The following PAPSS2 variants were observed in gnomAD, a reference collection of about 807,000 sequenced individuals.
PAPSS2 encodes the protein bifunctional 3'-phosphoadenosine 5'-phosphosulfate synthase 2.
A neutral mutation model predicts 66.5 loss-of-function variants in PAPSS2; 61 were observed. The ratio of observed to expected loss-of-function variants is 0.92; its 90% CI spans 0.75 to 1.14. PAPSS2 has a LOEUF of 1.14. PAPSS2 is among the 50% of genes most tolerant of loss of function. The pLI, the probability that PAPSS2 is intolerant of heterozygous loss-of-function variation, is 0.00. For missense variants in PAPSS2, 708 were observed against 789.6 expected (o/e 0.90, Z 1.24); for synonymous variants, 289 against 287.5 (o/e 1.01, Z -0.05).
At chr10:87,692,271 C>G (rs1853181056) in intron 1 of PAPSS2, among the ~76,000 whole-genome samples, 1 of 152,032 alleles carries the variant, frequency 6.6e-6, no homozygotes, top group African/African-American at 2.4e-5. Context: ...TTCAGTGGCT[C>G]TGGGGGGAAT....
intron 10 of PAPSS2, among the ~76,000 whole-genome samples, chr10:87,742,617 C>G (rs1217266560): frequency 6.6e-6 from 1 of 152,134 alleles, no homozygotes; most frequent in African/African-American, 2.4e-5. Context: ...GAGTCCACCA[C>G]TAAGTGGAGT....
intron 1 of PAPSS2, among the ~76,000 whole-genome samples, chr10:87,673,476 T>A (rs1314865501): frequency 6.6e-6 from 1 of 152,026 alleles, no homozygotes; most frequent in Non-Finnish European, 1.5e-5. Context: ...TTTCTTCATA[T>A]TCTCTTTATA....
chr10:87,724,281 C>A (rs1292944139), intron 8 of PAPSS2, among the ~76,000 whole-genome samples: 3 of 150,676 alleles, frequency 2.0e-5, no homozygotes, highest in Admixed American at 6.6e-5. Context: ...AAAGTATTCA[C>A]TCAAAAAAAA....
At chr10:87,700,595 C>G (rs1168215556) in intron 1 of PAPSS2, among the ~76,000 whole-genome samples, 3 of 149,346 alleles carry the variant, frequency 2.0e-5, no homozygotes, top group Non-Finnish European at 4.4e-5. Flanking sequence ...GACGTGGAGG[C>G]GGCAGTGAGC....
rs3221014 is a variant in PAPSS2 at position 87,670,576 on chromosome 10, G to GCACACACACA, written c.27+10584_27+10593dup. 2.6e-3 allele frequency among the ~76,000 whole-genome samples: 396 copies of GCACACACACA among 149,728 alleles called. 7 individuals carry two copies. The East Asian group carries it at 0.03, about 11-fold the overall frequency. On this transcript the variant is annotated intron_variant, in intron 1 of 12. Transcript: ENST00000456849. Reference sequence around the variant, plus strand: ...GGAGATGATTGCATAAAAAGATGGAGCACACACACACACACACACACACAC... The same window carrying GCACACACACA: ...GGAGATGATTGCATAAAAAGATGGAGCACACACACACACACACACACACACACACACACAC...
intron 1 of PAPSS2, among the ~76,000 whole-genome samples, chr10:87,671,936 A>G (rs1362554648): frequency 2.0e-5 from 3 of 152,240 alleles, no homozygotes; most frequent in Middle Eastern, 3.4e-3. Context: ...AATTTTATGC[A>G]CGTGGTATTG....
chr10:87,747,530 A>C lies in PAPSS2; in HGVS notation c.*1560A>C, dbSNP rs564601193. ...CTCACTACTGCCTTTAAAAAAAAAA[A>C]CCAGCATATTTATTGAAAACATGAG... On this transcript the variant is annotated 3_prime_UTR_variant, in exon 13 of 13. Transcript: ENST00000456849. 3.3e-5 allele frequency: 5 copies of C among 152,260 alleles called. No homozygotes were observed. The highest frequency in any genetic ancestry group is 2.1e-4 in the South Asian group (1 of 4,800). The allele number at this position is 152,260 out of a possible 1,614,324, so 9.4% of individuals were successfully genotyped here. A position where few individuals can be genotyped will look rare whatever the true frequency, so the allele number is the denominator to read the frequency against.
intron 1 of PAPSS2, among the ~76,000 whole-genome samples, chr10:87,678,613 G>C (rs188105574): frequency 6.6e-6 from 1 of 151,784 alleles, no homozygotes; most frequent in Admixed American, 6.6e-5. Flanking sequence ...CCATTAAAAA[G>C]TGGGCAAAGG....
rs35768490 is a variant in PAPSS2, at chr10:87,673,578, A to ATGTGTGTGTG, written c.27+13586_27+13595dup. On this transcript the variant is annotated intron_variant, in intron 1 of 12. Transcript: ENST00000456849. The stretch of plus-strand genomic sequence containing the variant: ...TGTGTGTTTGTGTGTGTATGTATTC[A>ATGTGTGTGTG]TGTGTGTGTGTGTGTGTGTGTGTGT... Among the ~76,000 whole-genome samples, 405 of 148,180 alleles carry ATGTGTGTGTG rather than the reference A, an allele frequency of 2.7e-3. 2 individuals carry two copies. Among genetic ancestry groups the ATGTGTGTGTG allele is most frequent in the African/African-American group, 9.3e-3 (377 of 40,444 alleles).
intron 1 of PAPSS2, among the ~76,000 whole-genome samples, chr10:87,662,913 A>T (rs1021292074): frequency 6.6e-6 from 1 of 151,008 alleles, no homozygotes; most frequent in African/African-American, 2.4e-5. Context: ...TCACTCTGTC[A>T]CCCAGGCTGG....
At chr10:87,723,536 G>A (rs1853622238) in intron 8 of PAPSS2, among the ~76,000 whole-genome samples, 2 of 152,130 alleles carry the variant, frequency 1.3e-5, no homozygotes, top group South Asian at 2.1e-4. Context: ...CTAATTGCCC[G>A]AGAACGTTGA....
rs150079044 is a variant in PAPSS2, at chr10:87,706,108, ATG to A, written c.28-3056_28-3055del. 4.9e-3 allele frequency among the ~76,000 whole-genome samples: 255 copies of A among 51,996 alleles called. 8 individuals carry two copies. The highest frequency in any genetic ancestry group is 0.014 in the African/African-American group (138 of 9,992). The allele number at this position is 51,996 out of a possible 152,430, so 34.1% of individuals were successfully genotyped here. On this transcript the variant is annotated intron_variant, in intron 1 of 12. Transcript: ENST00000456849. ...GGTATATATATATATATATATATAT[ATG>A]TGTGTGTGTGTGTGTGTGTGTGTGT...
chr10:87,700,809 C>T (rs972501509), intron 1 of PAPSS2, among the ~76,000 whole-genome samples: 10 of 151,524 alleles, frequency 6.6e-5, no homozygotes, highest in Non-Finnish European at 1.2e-4. Flanking sequence ...TTTCAAACTA[C>T]CAAAAGATAT....
At chr10:87,703,150 C>T (rs943269259) in intron 1 of PAPSS2, among the ~76,000 whole-genome samples, 3 of 152,198 alleles carry the variant, frequency 2.0e-5, no homozygotes, top group African/African-American at 7.2e-5. Context: ...GTGTTCATGA[C>T]TCTGTGACAG....
chr10:87,669,803 A>G (rs1457627071), intron 1 of PAPSS2, among the ~76,000 whole-genome samples: 2 of 152,252 alleles, frequency 1.3e-5, no homozygotes, highest in Non-Finnish European at 2.9e-5. Context: ...GTCTTTAAAG[A>G]GTTACCCAAA....
intron 2 of PAPSS2, among the ~76,000 whole-genome samples, chr10:87,711,742 T>TC (rs947722221): frequency 3.3e-4 from 50 of 151,896 alleles, no homozygotes; most frequent in Non-Finnish European, 3.5e-4. Context: ...CAGATCACCT[T>TC]CCCCCCCACC....
intron 1 of PAPSS2, among the ~76,000 whole-genome samples, chr10:87,675,086 GC>G (rs1297793890): frequency 2.6e-5 from 4 of 152,182 alleles, no homozygotes; most frequent in Non-Finnish European, 2.9e-5. Context: ...AAAATAGCAG[GC>G]CCTAAGAGGG....
At chr10:87,726,653 G>A (rs1355938302) in intron 8 of PAPSS2, among the ~76,000 whole-genome samples, 1 of 152,010 alleles carries the variant, frequency 6.6e-6, no homozygotes, top group African/African-American at 2.4e-5. Context: ...AGAAAAAGGT[G>A]AATGAGGTAT....
chr10:87,727,048 A>G lies in PAPSS2; in HGVS notation c.881-236A>G, dbSNP rs72811987. Among the ~76,000 whole-genome samples the G allele has an allele frequency of 0.12, 17,597 of 152,288 alleles. 1,132 individuals carry two copies. Among genetic ancestry groups the G allele is most frequent in the Non-Finnish European group, 0.14 (9,637 of 68,008 alleles). ...TAGATCACTTATGGAGGCCACCTCC[A>G]TGATTTAAAACTCAACCCACTTTTC... is the stretch of plus-strand genomic sequence containing the variant. On this transcript the variant is annotated intron_variant, in intron 8 of 12. Coordinates refer to ENST00000456849, the MANE Select transcript of PAPSS2 (RefSeq NM_001015880.2).
Sources: gnomAD v4.1 joint callset for allele counts (sites outside exome capture counted in the v4.1 genomes callset) on GRCh38, gnomAD v4.1.1 for gene constraint, MANE v1.5 for transcripts, NCBI Gene and HGNC (gene_info 2026-07-23, HGNC 2026-07-21) for gene names.